The following OPCML variants were observed in gnomAD, a reference collection of about 807,000 sequenced individuals.
The protein encoded by OPCML is opioid-binding protein/cell adhesion molecule.
Under a neutral mutation model 37.8 loss-of-function variants are expected in OPCML, and 13 were observed. The observed-to-expected ratio is 0.34, with a 90% CI of 0.22 to 0.55. The LOEUF (loss-of-function observed/expected upper bound fraction) is 0.55, where lower values mean the gene tolerates loss of function less well. OPCML is among the 20% of genes least tolerant of loss of function. The pLI is 0.91. For synonymous variants in OPCML, 176 were observed against 168.8 expected (o/e 1.04, Z -0.33); for missense variants, 341 against 435.6 (o/e 0.78, Z 1.93).
chr11:132,567,867 C>T (rs80075633), intron 3 of OPCML, among the ~76,000 whole-genome samples: 4,454 of 152,164 alleles, frequency 0.029, 246 homozygotes, highest in African/African-American at 0.1. Context: ...CCTGGTGTTG[C>T]ACAGAACAGT....
chr11:132,769,220 T>C (rs1054749104), intron 2 of OPCML, among the ~76,000 whole-genome samples: 6 of 151,578 alleles, frequency 4.0e-5, no homozygotes, highest in Non-Finnish European at 8.8e-5. Context: ...TTTTGTATTT[T>C]TTTGTTTTTT....
intron 3 of OPCML, among the ~76,000 whole-genome samples, chr11:132,609,062 G>C (rs1938477269): frequency 6.6e-6 from 1 of 151,834 alleles, no homozygotes. Flanking sequence ...ACTAGTGTGA[G>C]AGTGACTTTT....
chr11:133,056,092 G>C (rs1035073590), intron 1 of OPCML, among the ~76,000 whole-genome samples: 1 of 152,220 alleles, frequency 6.6e-6, no homozygotes, highest in Admixed American at 6.5e-5. Flanking sequence ...GTGTTCAAAT[G>C]ACTCAAAAGG....
At chr11:132,762,223 G>A (rs536764248) in intron 2 of OPCML, among the ~76,000 whole-genome samples, 1 of 152,318 alleles carries the variant, frequency 6.6e-6, no homozygotes, top group South Asian at 2.1e-4. Context: ...GCCAGCTGGA[G>A]CTCTCCTGTA....
chr11:132,677,976 GA>G (rs1257531023), intron 2 of OPCML, among the ~76,000 whole-genome samples: 1 of 152,038 alleles, frequency 6.6e-6, no homozygotes, highest in East Asian at 1.9e-4. Flanking sequence ...CCACAGACTG[GA>G]AAAAATATCT....
chr11:132,683,969 T>G (rs960783797), intron 2 of OPCML, among the ~76,000 whole-genome samples: 4 of 152,148 alleles, frequency 2.6e-5, no homozygotes, highest in African/African-American at 4.8e-5. Context: ...AGATGTCCCT[T>G]TCTGAATATT....
At chr11:133,472,223 C>G (rs1399822388) in intron 1 of OPCML, among the ~76,000 whole-genome samples, 3 of 152,124 alleles carry the variant, frequency 2.0e-5, no homozygotes, top group Admixed American at 2.0e-4. Context: ...ATGCCAGAAG[C>G]CGGGCCAAGC....
At chr11:133,467,874 G>T (rs1405561238) in intron 1 of OPCML, among the ~76,000 whole-genome samples, 4 of 152,174 alleles carry the variant, frequency 2.6e-5, no homozygotes, top group African/African-American at 9.7e-5. Flanking sequence ...AAGCAGTGTG[G>T]TGGAGGGGAA....
At chr11:132,635,310 C>G (rs538424935) in intron 3 of OPCML, among the ~76,000 whole-genome samples, 9 of 152,204 alleles carry the variant, frequency 5.9e-5, no homozygotes, top group African/African-American at 2.2e-4. Context: ...CTAAAGAACA[C>G]TTAAATTATT....
At chr11:132,905,225 CTTTT>C (rs373679886) in intron 2 of OPCML, among the ~76,000 whole-genome samples, 2 of 88,394 alleles carry the variant, frequency 2.3e-5, no homozygotes, top group Admixed American at 1.4e-4. Context: ...GAAAGCAGTT[CTTTT>C]TTTTTTTTTT....
chr11:133,204,395 G>A (rs1938943071), intron 1 of OPCML, among the ~76,000 whole-genome samples: 1 of 152,130 alleles, frequency 6.6e-6, no homozygotes, highest in Admixed American at 6.5e-5. Flanking sequence ...AAGTTAGTGA[G>A]GAAGAACTGG....
chr11:132,885,618 T>C (rs897779545), intron 2 of OPCML, among the ~76,000 whole-genome samples: 8 of 152,168 alleles, frequency 5.3e-5, no homozygotes, highest in African/African-American at 2.4e-5. Context: ...CTTTCTCAAA[T>C]ATTAAAAAAA....
At chr11:133,314,923 GT>G (rs1401958459) in intron 1 of OPCML, among the ~76,000 whole-genome samples, 2 of 152,156 alleles carry the variant, frequency 1.3e-5, no homozygotes, top group Non-Finnish European at 2.9e-5. Flanking sequence ...TGAACATATC[GT>G]TTCATCCGAA....
At chr11:132,956,200 A>G (rs1945975064) in intron 1 of OPCML, among the ~76,000 whole-genome samples, 1 of 152,252 alleles carries the variant, frequency 6.6e-6, no homozygotes, top group East Asian at 1.9e-4. Flanking sequence ...GTGCCCATAC[A>G]CTACTGATGT....
intron 3 of OPCML, among the ~76,000 whole-genome samples, chr11:132,605,967 A>T (rs1938264773): frequency 6.6e-6 from 1 of 152,210 alleles, no homozygotes; most frequent in South Asian, 2.1e-4. Flanking sequence ...GAGCAGCAGC[A>T]TACTTCTCCA....
At chr11:133,121,300 CTCTG>C (rs1011721056) in intron 1 of OPCML, among the ~76,000 whole-genome samples, 5 of 152,220 alleles carry the variant, frequency 3.3e-5, no homozygotes, top group Admixed American at 1.3e-4. Context: ...GAGTCACTTC[CTCTG>C]TCTGGCAGAA....
intron 1 of OPCML, among the ~76,000 whole-genome samples, chr11:132,966,571 G>A (rs1384172534): frequency 6.6e-6 from 1 of 151,928 alleles, no homozygotes; most frequent in Admixed American, 6.6e-5. Flanking sequence ...GGTTATAGTT[G>A]GTTCATAATG....
chr11:133,508,554 C>T (rs1948088155), intron 1 of OPCML, among the ~76,000 whole-genome samples: 1 of 152,216 alleles, frequency 6.6e-6, no homozygotes, highest in African/African-American at 2.4e-5. Context: ...TGACCTGCCT[C>T]CACACTGCAA....
At chr11:132,743,564 G>T (rs892064215) in intron 2 of OPCML, among the ~76,000 whole-genome samples, 2 of 152,084 alleles carry the variant, frequency 1.3e-5, no homozygotes, top group African/African-American at 4.8e-5. Flanking sequence ...TTTTCAAAAA[G>T]AAATGACCCT....
Sources: allele counts gnomAD v4.1 joint callset (sites outside exome capture counted in the v4.1 genomes callset), GRCh38; gene constraint gnomAD v4.1.1; transcripts MANE v1.5; gene names NCBI Gene and HGNC (gene_info 2026-07-23, HGNC 2026-07-21).